EPHB2: variants seen among roughly 807,000 people sequenced by gnomAD.
EPHB2 encodes the protein ephrin type-B receptor 2.
Under a neutral mutation model 96.4 loss-of-function variants are expected in EPHB2, and 18 were observed. That is an observed-to-expected ratio of 0.19 (90% CI 0.13 to 0.28). The LOEUF (loss-of-function observed/expected upper bound fraction) is 0.28. EPHB2 is among the 10% of genes least tolerant of loss of function. The probability of loss-of-function intolerance (pLI) is 1.00; values close to 1 mark genes in which losing one functional copy is unlikely to be tolerated. For missense variants in EPHB2, 989 were observed against 1,355.4 expected (o/e 0.73, Z 4.25); for synonymous variants, 506 against 534.1 (o/e 0.95, Z 0.72).
At chr1:22,794,114 GC>G (rs1644734979) in intron 3 of EPHB2, among the ~76,000 whole-genome samples, 1 of 152,100 alleles carries the variant, frequency 6.6e-6, no homozygotes, top group Admixed American at 6.5e-5. Context: ...ACCCTGGCCT[GC>G]CTACCTCCAG....
intron 3 of EPHB2, among the ~76,000 whole-genome samples, chr1:22,855,834 A>C (rs950514520): frequency 6.6e-6 from 1 of 152,206 alleles, no homozygotes; most frequent in African/African-American, 2.4e-5. Flanking sequence ...GAGGTTAGGT[A>C]ACTTGCTCAT....
intron 6 of EPHB2, among the ~76,000 whole-genome samples, chr1:22,891,854 G>T (rs1381505395): frequency 1.3e-5 from 2 of 151,832 alleles, no homozygotes; most frequent in South Asian, 2.1e-4. Context: ...CAGTGCAGTG[G>T]CATAATCATG....
At chr1:22,843,886 C>T (rs556611478) in intron 3 of EPHB2, among the ~76,000 whole-genome samples, 208 of 152,314 alleles carry the variant, frequency 1.4e-3, no homozygotes, top group South Asian at 7.9e-3. Flanking sequence ...GTTTAGCTTC[C>T]GCTTATAAGT....
intron 3 of EPHB2, among the ~76,000 whole-genome samples, chr1:22,849,576 A>G (rs1166054430): frequency 6.6e-6 from 1 of 152,230 alleles, no homozygotes; most frequent in African/African-American, 2.4e-5. Context: ...CAGGGGATCC[A>G]TATAGAACCA....
chr1:22,830,383 C>T (rs145331715), intron 3 of EPHB2, among the ~76,000 whole-genome samples: 1 of 152,200 alleles, frequency 6.6e-6, no homozygotes, highest in African/African-American at 2.4e-5. Context: ...AAGGGCCAGA[C>T]AGGCCTGTGC....
At chr1:22,791,591 T>C (rs1412760109) in intron 3 of EPHB2, among the ~76,000 whole-genome samples, 1 of 151,730 alleles carries the variant, frequency 6.6e-6, no homozygotes, top group Admixed American at 6.6e-5. Context: ...GTTGGAATTA[T>C]AGGCATGAAC....
intron 1 of EPHB2, among the ~76,000 whole-genome samples, chr1:22,711,440 C>T (rs1241730464): frequency 1.3e-5 from 2 of 149,384 alleles, no homozygotes; most frequent in Non-Finnish European, 3.0e-5. Context: ...GGGGGGGCGC[C>T]GGCGCTCGGT....
rs771721259 is a variant in EPHB2 at position 22,909,104 on chromosome 1, A to G, written c.2435A>G (p.Tyr812Cys). ...KFTSASDVWSYGIVMWEVMSY... is the reference protein window; with the variant it reads ...KFTSASDVWSCGIVMWEVMSY... ...ACCTCGGCCAGTGATGTGTGGAGCTACGGCATTGTCATGTGGGAGGTGATG... is the reference window on the plus strand; with the variant it reads ...ACCTCGGCCAGTGATGTGTGGAGCTGCGGCATTGTCATGTGGGAGGTGATG... Residue 812 changes from tyrosine to cysteine, a missense_variant, in exon 13 of 16, where the codon TAC becomes TGC. Transcript: ENST00000374630. 1 of 1,614,152 alleles carries G rather than the reference A, an allele frequency of 6.2e-7. No homozygotes were observed. The highest frequency in any genetic ancestry group is 1.1e-5 in the South Asian group (1 of 91,074).
intron 1 of EPHB2, among the ~76,000 whole-genome samples, chr1:22,726,723 G>A (rs568942360): frequency 2.6e-5 from 4 of 152,144 alleles, no homozygotes; most frequent in South Asian, 2.1e-4. Flanking sequence ...TGCCCAGCCC[G>A]TAATAGTTAA....
At chr1:22,731,255 C>T (rs1161346742) in intron 1 of EPHB2, among the ~76,000 whole-genome samples, 1 of 152,134 alleles carries the variant, frequency 6.6e-6, no homozygotes, top group African/African-American at 2.4e-5. Context: ...GGCAGAGGGA[C>T]AGAGAAGAGC....
At chr1:22,756,879 T>G (rs11587921) in intron 1 of EPHB2, among the ~76,000 whole-genome samples, 140,966 of 152,226 alleles carry the variant, frequency 0.93, 66,230 homozygotes, top group East Asian at 1. Context: ...ACGAAAGCAG[T>G]TTACTAACAG....
chr1:22,756,216 G>T (rs749323109), intron 1 of EPHB2, among the ~76,000 whole-genome samples: 1 of 152,122 alleles, frequency 6.6e-6, no homozygotes, highest in Non-Finnish European at 1.5e-5. Context: ...CCTGGGGAGC[G>T]ACAGGCAGGC....
chr1:22,843,515 G>A (rs955009128), intron 3 of EPHB2, among the ~76,000 whole-genome samples: 1 of 151,976 alleles, frequency 6.6e-6, no homozygotes, highest in African/African-American at 2.4e-5. Flanking sequence ...CCCTCAAGTA[G>A]GCCCCAGTGT....
chr1:22,727,038 A>G (rs546685797), intron 1 of EPHB2, among the ~76,000 whole-genome samples: 187 of 152,338 alleles, frequency 1.2e-3, no homozygotes, highest in Admixed American at 2.3e-3. Context: ...GAGAGGTTTG[A>G]GTCCGTTAAG....
intron 9 of EPHB2, among the ~76,000 whole-genome samples, chr1:22,897,523 C>G (rs867008884): frequency 3.3e-5 from 5 of 152,270 alleles, no homozygotes; most frequent in Middle Eastern, 6.8e-3. Flanking sequence ...CACAGTAGCT[C>G]ACACCTGTAA....
At chr1:22,743,855 A>G (rs1345051115) in intron 1 of EPHB2, among the ~76,000 whole-genome samples, 2 of 152,204 alleles carry the variant, frequency 1.3e-5, no homozygotes, top group African/African-American at 4.8e-5. Context: ...CACCTCTACA[A>G]ATGGTAATGT....
At chr1:22,765,152 G>T (rs896951186) in intron 1 of EPHB2, among the ~76,000 whole-genome samples, 1 of 152,188 alleles carries the variant, frequency 6.6e-6, no homozygotes, top group Admixed American at 6.5e-5. Flanking sequence ...CTGAGTGTTT[G>T]ACAGGGAGCC....
chr1:22,787,850 G>A (rs980591425), intron 3 of EPHB2, among the ~76,000 whole-genome samples: 1 of 152,208 alleles, frequency 6.6e-6, no homozygotes, highest in African/African-American at 2.4e-5. Flanking sequence ...TTGCACTCAA[G>A]GTGTGGCCTG....
At chr1:22,878,808 G>A (rs566852242) in intron 5 of EPHB2, among the ~76,000 whole-genome samples, 5 of 152,362 alleles carry the variant, frequency 3.3e-5, no homozygotes, top group South Asian at 4.1e-4. Context: ...GGATGGGAGC[G>A]TCTTGACCTG....
Sources: allele counts gnomAD v4.1 joint callset (sites outside exome capture counted in the v4.1 genomes callset), GRCh38; gene constraint gnomAD v4.1.1; transcripts MANE v1.5; gene names NCBI Gene and HGNC (gene_info 2026-07-23, HGNC 2026-07-21).